Variants in SUGCT observed in about 807,000 individuals in gnomAD.
SUGCT encodes the protein succinyl-CoA:glutarate-CoA transferase.
SUGCT carries 41 observed loss-of-function variants against 55.0 expected under a neutral mutation model. The observed-to-expected ratio is 0.74, with a 90% CI of 0.58 to 0.97. The LOEUF is 0.97. Among genes scored for constraint, SUGCT ranks in the 50% least tolerant of loss-of-function variants. The pLI is 0.00. For synonymous variants in SUGCT, 187 were observed against 200.4 expected (o/e 0.93, Z 0.56); for missense variants, 568 against 547.8 (o/e 1.04, Z -0.37).
rs369617178 is a variant in SUGCT, at chr7:40,730,825, A to G, written c.1090-18609A>G. Reference sequence around the variant, plus strand: ...TGCCTGGCTTATTTTACTTAGGATAATGTCCTCCAGATTCATCCATGTTGT... The same window carrying G: ...TGCCTGGCTTATTTTACTTAGGATAGTGTCCTCCAGATTCATCCATGTTGT... On this transcript the variant is annotated intron_variant, in intron 12 of 13. Transcript: ENST00000335693. 4.3e-4 allele frequency among the ~76,000 whole-genome samples: 66 copies of G among 152,322 alleles called. No homozygotes were observed. The East Asian group carries it at 9.4e-3, about 22-fold the overall frequency.
intron 1 of SUGCT, chr7:40,141,930 C>T: frequency 3.4e-6 from 1 of 293,646 alleles, no homozygotes; most frequent in Non-Finnish European, 7.0e-6. Flanking sequence ...ATGCACGTGG[C>T]CCCGCTGCTG....
chr7:40,797,599 A>G (rs1179476911), intron 13 of SUGCT, among the ~76,000 whole-genome samples: 3 of 152,026 alleles, frequency 2.0e-5, no homozygotes, highest in East Asian at 1.9e-4. Context: ...TACATTTTCT[A>G]TCCCATGTAC....
Position 40,325,896 on chromosome 7 carries a change from G to A in SUGCT, c.816+9041G>A, listed in dbSNP as rs1040934261. Among the ~76,000 whole-genome samples, 9 of 68,698 alleles carry A rather than the reference G, an allele frequency of 1.3e-4. No homozygotes were observed. The East Asian group carries it at 6.1e-3, about 46-fold the overall frequency. The allele number at this position is 68,698 out of a possible 152,430, so 45.1% of individuals were successfully genotyped here. On this transcript the variant is annotated intron_variant, in intron 9 of 13. Coordinates refer to ENST00000335693, the MANE Select transcript of SUGCT (RefSeq NM_001193313.2). The stretch of plus-strand genomic sequence containing the variant: ...TAAGCTGGATGCATCATGGATGTGC[G>A]TCTTTTTTTTTTGTTTGTTTTTGGC...
At chr7:40,137,024 G>T (rs1008402378) in intron 1 of SUGCT, among the ~76,000 whole-genome samples, 1 of 151,954 alleles carries the variant, frequency 6.6e-6, no homozygotes, top group Non-Finnish European at 1.5e-5. Flanking sequence ...AAAAAAAAAG[G>T]TTCACATACA....
At chr7:40,357,308 T>C (rs901004939) in intron 9 of SUGCT, among the ~76,000 whole-genome samples, 1 of 152,210 alleles carries the variant, frequency 6.6e-6, no homozygotes, top group African/African-American at 2.4e-5. Flanking sequence ...ACCAAAATGC[T>C]TTGTCACCTA....
At chr7:40,584,746 T>C (rs1289805371) in intron 12 of SUGCT, among the ~76,000 whole-genome samples, 1 of 152,182 alleles carries the variant, frequency 6.6e-6, no homozygotes, top group African/African-American at 2.4e-5. Context: ...CCAAATCCCA[T>C]GTTGTATATA....
At position 40,820,695 on chromosome 7, in the gene SUGCT, A is replaced by ATTATG. The variant is rs1563025706; in HGVS notation, c.1154-39620_1154-39619insTATGT. On this transcript the variant is annotated intron_variant, in intron 13 of 13. Transcript: ENST00000335693. ...GACAATGGGGTTTTCTAAATATACA[A>ATTATG]TCATGTCATCTGCAAACAGGGACAA... Among the ~76,000 whole-genome samples, 64 of 152,290 alleles carry ATTATG rather than the reference A, an allele frequency of 4.2e-4. 1 individual carries two copies. The highest frequency in any genetic ancestry group is 1.4e-3 in the African/African-American group (59 of 41,572).
intron 12 of SUGCT, among the ~76,000 whole-genome samples, chr7:40,746,973 G>T (rs183974542): frequency 2.0e-5 from 3 of 152,094 alleles, no homozygotes; most frequent in African/African-American, 7.2e-5. Context: ...AATTTAGCTC[G>T]GTATTTTTGT....
intron 13 of SUGCT, among the ~76,000 whole-genome samples, chr7:40,837,300 T>A (rs1793037724): frequency 6.6e-6 from 1 of 152,202 alleles, no homozygotes; most frequent in Non-Finnish European, 1.5e-5. Flanking sequence ...TTACTCGAGT[T>A]TTGAGAAATA....
At chr7:40,540,875 C>G (rs1794634735) in intron 12 of SUGCT, among the ~76,000 whole-genome samples, 1 of 152,200 alleles carries the variant, frequency 6.6e-6, no homozygotes, top group Non-Finnish European at 1.5e-5. Context: ...TTCAGTTCAG[C>G]TGGCCAAGGG....
intron 12 of SUGCT, among the ~76,000 whole-genome samples, chr7:40,671,882 C>T (rs1489971926): frequency 2.0e-5 from 3 of 152,088 alleles, no homozygotes; most frequent in Non-Finnish European, 4.4e-5. Flanking sequence ...CCAGCTTAAA[C>T]AATTTTGAAA....
chr7:40,153,827 C>A, intron 1 of SUGCT: 2 of 381,296 alleles, frequency 5.2e-6, no homozygotes, highest in South Asian at 2.4e-5. Flanking sequence ...TGCAATATGC[C>A]ATTAAGAACT....
chr7:40,902,418 A>C, the SUGCT span, among the ~76,000 whole-genome samples: 1 of 151,928 alleles, frequency 6.6e-6, no homozygotes. Context: ...TCTCTACTGA[A>C]AATACAAAAA....
At chr7:40,296,784 A>G (rs1794179068) in intron 8 of SUGCT, among the ~76,000 whole-genome samples, 2 of 151,906 alleles carry the variant, frequency 1.3e-5, no homozygotes, top group East Asian at 3.9e-4. Context: ...GTGTGTGTGT[A>G]ATTGATTTCG....
In SUGCT at chr7:40,570,494, G is replaced by T. The variant is rs528518353; in HGVS notation, c.1089+74108G>T. Among the ~76,000 whole-genome samples the T allele has an allele frequency of 1.2e-3, 188 of 152,306 alleles. 1 individual carries two copies. Among genetic ancestry groups the T allele is most frequent in the African/African-American group, 4.3e-3 (180 of 41,580 alleles). ...AGCTTAATGTGAGACAAGGAGAATG[G>T]AACAAGAAGAGACTGGAATGCAGTT... is the stretch of plus-strand genomic sequence containing the variant. On this transcript the variant is annotated intron_variant, in intron 12 of 13. Transcript: ENST00000335693.
the SUGCT span, among the ~76,000 whole-genome samples, chr7:40,960,865 G>A: frequency 2.6e-5 from 4 of 152,158 alleles, no homozygotes; most frequent in African/African-American, 4.8e-5. Flanking sequence ...CCACAAACAT[G>A]TATATGTGTA....
intron 9 of SUGCT, among the ~76,000 whole-genome samples, chr7:40,328,708 T>G (rs1796136418): frequency 6.6e-6 from 1 of 152,090 alleles, no homozygotes; most frequent in Non-Finnish European, 1.5e-5. Context: ...AAGTGGGTTT[T>G]GTACATGTGT....
chr7:40,664,999 C>A lies in SUGCT; in HGVS notation c.1090-84435C>A, dbSNP rs933803577. On this transcript the variant is annotated intron_variant, in intron 12 of 13. Transcript: ENST00000335693. ...TGTCTCAAAAAAAAAAAAAAAAAAT[C>A]TTTTTCTGTGTCATTTTTATGGCGA... is the stretch of plus-strand genomic sequence containing the variant. Among the ~76,000 whole-genome samples, 323 of 146,956 alleles carry A rather than the reference C, an allele frequency of 2.2e-3. 5 individuals are homozygous for A. Among genetic ancestry groups the A allele is most frequent in the Admixed American group, 0.018 (268 of 14,782 alleles).
At chr7:40,683,594 G>C (rs1004161856) in intron 12 of SUGCT, among the ~76,000 whole-genome samples, 22 of 152,300 alleles carry the variant, frequency 1.4e-4, no homozygotes, top group African/African-American at 5.3e-4. Flanking sequence ...AAAAACTACT[G>C]ATCAGCCTGT....
Sources: gnomAD v4.1 joint callset for allele counts (sites outside exome capture counted in the v4.1 genomes callset) on GRCh38, gnomAD v4.1.1 for gene constraint, MANE v1.5 for transcripts, NCBI Gene and HGNC (gene_info 2026-07-23, HGNC 2026-07-21) for gene names.